The following NAALADL2 variants were observed in gnomAD, a reference collection of about 807,000 sequenced individuals.
NAALADL2 encodes the protein N-acetylated alpha-linked acidic dipeptidase like 2, also known as inactive N-acetylated-alpha-linked acidic dipeptidase-like protein 2.
Under a neutral mutation model 87.2 loss-of-function variants are expected in NAALADL2, and 76 were observed. The ratio of observed to expected loss-of-function variants is 0.87; its 90% confidence interval spans 0.72 to 1.05. NAALADL2 has a LOEUF of 1.05. Ranked by LOEUF, NAALADL2 falls within the 50% of genes least tolerant of loss-of-function variation. NAALADL2 has a pLI of 0.00. For missense variants in NAALADL2, 1,089 were observed against 945.8 expected (o/e 1.15, Z -1.99); for synonymous variants, 354 against 331.0 (o/e 1.07, Z -0.75).
intron 2 of NAALADL2, among the ~76,000 whole-genome samples, chr3:175,200,718 G>A (rs901515968): frequency 1.3e-5 from 2 of 152,102 alleles, no homozygotes; most frequent in Non-Finnish European, 2.9e-5. Context: ...TCATTGCCAT[G>A]AATTGGGCTT....
intron 5 of NAALADL2, among the ~76,000 whole-genome samples, chr3:175,386,268 C>T (rs1768368746): frequency 6.6e-6 from 1 of 151,572 alleles, no homozygotes; most frequent in Non-Finnish European, 1.5e-5. Context: ...CTTTGTCCTC[C>T]TCTGAGATTT....
At chr3:174,448,246 T>C (rs1032076806) in intron 1 of NAALADL2, among the ~76,000 whole-genome samples, 1 of 152,190 alleles carries the variant, frequency 6.6e-6, no homozygotes. Context: ...CAGTACAATA[T>C]AAAAACCAGG....
intron 1 of NAALADL2, among the ~76,000 whole-genome samples, chr3:175,038,977 A>G (rs1179753503): frequency 6.6e-6 from 1 of 152,148 alleles, no homozygotes; most frequent in Non-Finnish European, 1.5e-5. Context: ...CAAACCAAAT[A>G]AACAAACTCT....
At chr3:174,679,526 T>C (rs145942340) in intron 2 of NAALADL2, among the ~76,000 whole-genome samples, 28 of 152,312 alleles carry the variant, frequency 1.8e-4, no homozygotes, top group African/African-American at 6.5e-4. Flanking sequence ...GCTCACATTG[T>C]ATTTCTATTG....
At chr3:174,912,692 A>G (rs955617569) in intron 1 of NAALADL2, among the ~76,000 whole-genome samples, 2 of 152,140 alleles carry the variant, frequency 1.3e-5, no homozygotes, top group South Asian at 2.1e-4. Context: ...AAATTTCTAG[A>G]TAGAATAAAA....
chr3:175,273,234 A>G (rs1196117586), intron 4 of NAALADL2, among the ~76,000 whole-genome samples: 1 of 152,134 alleles, frequency 6.6e-6, no homozygotes, highest in Non-Finnish European at 1.5e-5. Context: ...AGTGTTTCAT[A>G]GAATGCTGCA....
chr3:174,446,908 A>G (rs1715095791), intron 1 of NAALADL2, among the ~76,000 whole-genome samples: 1 of 152,168 alleles, frequency 6.6e-6, no homozygotes, highest in Admixed American at 6.5e-5. Context: ...TGATGAGAAG[A>G]TGAAGATAGG....
At chr3:174,693,082 A>T (rs1728729659) in intron 2 of NAALADL2, among the ~76,000 whole-genome samples, 1 of 151,878 alleles carries the variant, frequency 6.6e-6, no homozygotes, top group Non-Finnish European at 1.5e-5. Context: ...TCTCTTGTGG[A>T]TTAAGACCCA....
chr3:175,481,363 GTGTA>G (rs59530049), intron 9 of NAALADL2, among the ~76,000 whole-genome samples: 236 of 147,210 alleles, frequency 1.6e-3, no homozygotes, highest in African/African-American at 4.3e-3. Flanking sequence ...GTGTGTGTGT[GTGTA>G]TATAGCTGTG....
At chr3:175,730,443 T>C (rs1931172) in intron 11 of NAALADL2, among the ~76,000 whole-genome samples, 5,317 of 64,390 alleles carry the variant, frequency 0.083, 269 homozygotes, top group African/African-American at 0.17. Context: ...TATATATATA[T>C]ACACACATAC....
At position 174,778,795 on chromosome 3, in the gene NAALADL2, A is replaced by G. The variant is rs564050879; in HGVS notation, c.-9+41049A>G. ...TTTCCAGCTTCACCCATGCCCCTGC[A>G]AAGGACATGAACTGATCCTTTTCTA... On this transcript the variant is annotated intron_variant, in intron 3 of 3. Transcript: ENST00000434257. Among the ~76,000 whole-genome samples the G allele has an allele frequency of 2.0e-5, 3 of 152,288 alleles. No homozygotes were observed. The East Asian group carries it at 5.8e-4, about 29-fold the overall frequency.
chr3:174,991,678 A>G (rs1335912822), intron 1 of NAALADL2, among the ~76,000 whole-genome samples: 1 of 152,074 alleles, frequency 6.6e-6, no homozygotes, highest in Non-Finnish European at 1.5e-5. Context: ...GAAGTGATAA[A>G]AGCTGTCCTT....
At chr3:175,321,070 T>C (rs1211769509) in intron 4 of NAALADL2, among the ~76,000 whole-genome samples, 8 of 150,744 alleles carry the variant, frequency 5.3e-5, no homozygotes, top group African/African-American at 1.5e-4. Context: ...TGATGAACAT[T>C]GATGCAAAAA....
At chr3:175,048,918 T>A (rs1194662558) in intron 1 of NAALADL2, among the ~76,000 whole-genome samples, 1 of 152,146 alleles carries the variant, frequency 6.6e-6, no homozygotes, top group Non-Finnish European at 1.5e-5. Flanking sequence ...TTACTAGATA[T>A]GTTGCTTTAG....
intron 11 of NAALADL2, among the ~76,000 whole-genome samples, chr3:175,724,157 TA>T (rs1742617453): frequency 6.6e-6 from 1 of 152,238 alleles, no homozygotes; most frequent in African/African-American, 2.4e-5. Context: ...TAAAGTGTAC[TA>T]ATAAAAGTAT....
At chr3:175,710,081 A>G (rs556108178) in intron 11 of NAALADL2, among the ~76,000 whole-genome samples, 2 of 152,210 alleles carry the variant, frequency 1.3e-5, no homozygotes, top group South Asian at 4.1e-4. Context: ...CAGTAGTGAT[A>G]GAAAAGAATT....
chr3:174,501,308 G>A (rs1253513217), intron 1 of NAALADL2, among the ~76,000 whole-genome samples: 1 of 150,800 alleles, frequency 6.6e-6, no homozygotes, highest in African/African-American at 2.5e-5. Flanking sequence ...TCGATCTCCT[G>A]ACCTCGTGAT....
At chr3:175,756,934 CAT>C (rs546309748) in intron 13 of NAALADL2, among the ~76,000 whole-genome samples, 81 of 150,792 alleles carry the variant, frequency 5.4e-4, no homozygotes, top group African/African-American at 1.4e-3. Flanking sequence ...ATTTATATGA[CAT>C]ATTTAATGTA....
At chr3:175,073,567 G>A (rs138406307) in intron 1 of NAALADL2, among the ~76,000 whole-genome samples, 88 of 152,164 alleles carry the variant, frequency 5.8e-4, no homozygotes, top group African/African-American at 2.0e-3. Context: ...AAGTGAAAAT[G>A]TTCGAGTGTT....
Sources: allele counts gnomAD v4.1 joint callset (sites outside exome capture counted in the v4.1 genomes callset), GRCh38; gene constraint gnomAD v4.1.1; transcripts MANE v1.5; gene names NCBI Gene and HGNC (gene_info 2026-07-23, HGNC 2026-07-21).